The following ZFYVE9 variants were observed in gnomAD, a reference collection of about 807,000 sequenced individuals.
ZFYVE9 encodes the protein zinc finger FYVE-type containing 9.
In ZFYVE9, 43 loss-of-function variants were observed where a neutral mutation model predicts 126.7. That is an observed-to-expected ratio of 0.34 (90% CI 0.27 to 0.44). The LOEUF (loss-of-function observed/expected upper bound fraction) is 0.44. ZFYVE9 is among the 20% of genes least tolerant of loss of function. ZFYVE9 has a pLI of 1.00. For missense variants in ZFYVE9, 1,476 were observed against 1,697.0 expected, an observed-to-expected ratio of 0.87 and a Z score of 2.29; for synonymous variants, 521 against 597.4, an observed-to-expected ratio of 0.87 and a Z score of 1.87.
rs1260972385 is a variant in ZFYVE9 at position 52,157,431 on chromosome 1, C to T, written c.-143+15028C>T. On this transcript the variant is annotated intron_variant, in intron 1 of 18. Coordinates refer to ENST00000287727, the MANE Select transcript of ZFYVE9 (RefSeq NM_004799.4). ...TTTTTTTTTTTTTGAGATGGAGTCTCACTCTGTTGCCCAGGCTGTAGTGCA... is the reference window on the plus strand; with the variant it reads ...TTTTTTTTTTTTTGAGATGGAGTCTTACTCTGTTGCCCAGGCTGTAGTGCA... Among the ~76,000 whole-genome samples, 24 of 99,358 alleles carry T rather than the reference C, an allele frequency of 2.4e-4. No homozygotes were observed. The Admixed American group carries it at 3.0e-3, about 12-fold the overall frequency. 65.2% of individuals were successfully genotyped at this position (99,358 alleles called of 152,430 possible).
At chr1:52,168,487 G>T (rs900447970) in intron 1 of ZFYVE9, among the ~76,000 whole-genome samples, 3 of 150,918 alleles carry the variant, frequency 2.0e-5, no homozygotes, top group Non-Finnish European at 4.4e-5. Flanking sequence ...AAAGTGCTAG[G>T]ATTACAGGCG....
At chr1:52,223,578 C>A (rs1645143825) in intron 2 of ZFYVE9, among the ~76,000 whole-genome samples, 1 of 152,140 alleles carries the variant, frequency 6.6e-6, no homozygotes, top group Admixed American at 6.5e-5. Flanking sequence ...GGAGCTTTAA[C>A]ATTCCTTGTC....
At chr1:52,228,193 C>T (rs529519461) in intron 2 of ZFYVE9, among the ~76,000 whole-genome samples, 73 of 152,244 alleles carry the variant, frequency 4.8e-4, no homozygotes, top group African/African-American at 1.5e-3. Flanking sequence ...ATCTTCCTGC[C>T]TCAGCCTCAT....
chr1:52,313,943 AAAATT>A (rs1459558084), intron 13 of ZFYVE9, among the ~76,000 whole-genome samples: 1 of 152,224 alleles, frequency 6.6e-6, no homozygotes, highest in Non-Finnish European at 1.5e-5. Context: ...AAAAGGCTGA[AAAATT>A]AAATAAACAG....
At chr1:52,271,675 GC>G (rs1405564877) in intron 7 of ZFYVE9, among the ~76,000 whole-genome samples, 2 of 152,174 alleles carry the variant, frequency 1.3e-5, no homozygotes, top group East Asian at 3.9e-4. Flanking sequence ...TCTGTACCAG[GC>G]CTTCAAGTCA....
intron 4 of ZFYVE9, among the ~76,000 whole-genome samples, chr1:52,257,766 C>G (rs1645537008): frequency 6.6e-6 from 1 of 152,156 alleles, no homozygotes; most frequent in Non-Finnish European, 1.5e-5. Context: ...CGGGGTTTCG[C>G]TCTTGTCTCC....
chr1:52,327,462 C>T (rs1269192330), intron 13 of ZFYVE9, among the ~76,000 whole-genome samples: 3 of 151,602 alleles, frequency 2.0e-5, no homozygotes, highest in Admixed American at 1.3e-4. Flanking sequence ...ATTAGTGGGG[C>T]GTGGTGGCGT....
intron 1 of ZFYVE9, among the ~76,000 whole-genome samples, chr1:52,150,746 T>C (rs1164595149): frequency 6.7e-6 from 1 of 149,468 alleles, no homozygotes; most frequent in African/African-American, 2.5e-5. Context: ...CACGCCAGCC[T>C]GGGCAACAGG....
chr1:52,346,288 A>C lies in ZFYVE9; in HGVS notation c.*67A>C. ...CAGCAGTCATACCCAAATCATTTGC[A>C]CTTTAAAACTGGAAGATTAAGCTTT... On this transcript the variant is annotated 3_prime_UTR_variant, in exon 19 of 19. Transcript: ENST00000287727. 7.0e-7 allele frequency: 1 copy of C among 1,429,194 alleles called. No individual in the cohort carries two copies. The highest frequency in any genetic ancestry group is 2.4e-5 in the East Asian group (1 of 41,578). The allele number at this position is 1,429,194 out of a possible 1,614,324, so 88.5% of individuals were successfully genotyped here.
Position 52,346,273 on chromosome 1 carries a change from A to C in ZFYVE9, c.*52A>C. 2 of 1,452,544 alleles carry C rather than the reference A, an allele frequency of 1.4e-6. No homozygotes were observed. Among genetic ancestry groups the C allele is most frequent in the Non-Finnish European group, 1.8e-6 (2 of 1,088,812 alleles). 90.0% of individuals were successfully genotyped at this position (1,452,544 alleles called of 1,614,324 possible). On this transcript the variant is annotated 3_prime_UTR_variant, in exon 19 of 19. Coordinates refer to ENST00000287727, the MANE Select transcript of ZFYVE9 (RefSeq NM_004799.4). ...TCAGACTTGTTGCAACAGCAGTCATACCCAAATCATTTGCACTTTAAAACT... is the reference window on the plus strand; with the variant it reads ...TCAGACTTGTTGCAACAGCAGTCATCCCCAAATCATTTGCACTTTAAAACT...
At chr1:52,162,275 T>C in intron 1 of ZFYVE9, 1 of 344,596 alleles carries the variant, frequency 2.9e-6, no homozygotes, top group Non-Finnish European at 5.9e-6. Context: ...CCGGTAATCA[T>C]AGTCTTCATA....
intron 1 of ZFYVE9, among the ~76,000 whole-genome samples, chr1:52,185,659 C>A (rs930427931): frequency 6.6e-6 from 1 of 152,186 alleles, no homozygotes; most frequent in Non-Finnish European, 1.5e-5. Flanking sequence ...CACGGTGGCT[C>A]ACGCCTGTAA....
chr1:52,237,796 A>G lies in ZFYVE9; in HGVS notation c.379A>G (p.Ser127Gly), dbSNP rs376521422. 7 of 1,614,134 alleles carry G rather than the reference A, an allele frequency of 4.3e-6. No individual in the cohort carries two copies. Among genetic ancestry groups the G allele is most frequent in the Non-Finnish European group, 5.9e-6 (7 of 1,179,982 alleles). ...KRNYSWDDQC[S>G]AVEVGEKKCG... ...AAACTATAGTTGGGATGATCAATGCAGTGCTGTTGAAGTGGGAGAGAAGAA... is the reference window on the plus strand; with the variant it reads ...AAACTATAGTTGGGATGATCAATGCGGTGCTGTTGAAGTGGGAGAGAAGAA... The change falls in exon 4 of 19, where the codon AGT becomes GGT. Residue 127 changes from serine (S) to glycine (G), a missense_variant. By Grantham distance (56) the Ser-to-Gly change is moderately conservative. This residue lies in a region of ZFYVE9 where 807 missense variants were observed against 794.6 expected (regional missense o/e 1.02). Coordinates refer to ENST00000287727, the MANE Select transcript of ZFYVE9 (RefSeq NM_004799.4).
rs534269452 is a variant in ZFYVE9, at chr1:52,142,929, G to A, written c.-143+526G>A. ...TGCTACTCCTGGAGTGTCATTCATG[G>A]ATCTGGCTTGCTCGAGAACAACCTT... On this transcript the variant is annotated intron_variant, in intron 1 of 18. Coordinates refer to ENST00000287727, the MANE Select transcript of ZFYVE9 (RefSeq NM_004799.4). The surrounding 1 kb of genome is among the most constrained non-coding windows in gnomAD (Gnocchi z 4.5). Among the ~76,000 whole-genome samples, 11 of 152,284 alleles carry A rather than the reference G, an allele frequency of 7.2e-5. No individual in the cohort carries two copies. The South Asian group carries it at 1.9e-3, about 26-fold the overall frequency.
intron 1 of ZFYVE9, among the ~76,000 whole-genome samples, chr1:52,170,217 G>C (rs1034953033): frequency 5.3e-5 from 8 of 152,066 alleles, no homozygotes; most frequent in African/African-American, 1.9e-4. Flanking sequence ...TTATTCATTT[G>C]ACGATACTTA....
At chr1:52,145,126 C>T (rs565836725) in intron 1 of ZFYVE9, among the ~76,000 whole-genome samples, 68 of 152,250 alleles carry the variant, frequency 4.5e-4, no homozygotes, top group African/African-American at 1.3e-3. Flanking sequence ...CTCATCTTGC[C>T]GTTTAAGGAC....
chr1:52,311,901 C>T (rs1266078302), intron 13 of ZFYVE9, among the ~76,000 whole-genome samples: 1 of 152,036 alleles, frequency 6.6e-6, no homozygotes, highest in Non-Finnish European at 1.5e-5. Flanking sequence ...AGCAGTTCTC[C>T]TGCCTCAGCC....
intron 8 of ZFYVE9, among the ~76,000 whole-genome samples, chr1:52,275,071 A>C (rs1055576673): frequency 1.3e-5 from 2 of 152,186 alleles, no homozygotes; most frequent in African/African-American, 4.8e-5. Context: ...AGAATGCTTA[A>C]TATTATGTGA....
In ZFYVE9 at chr1:52,175,122, T is replaced by G. The variant is rs1644612134; in HGVS notation, c.-143+32719T>G. Among the ~76,000 whole-genome samples, 7 of 152,182 alleles carry G rather than the reference T, an allele frequency of 4.6e-5. No homozygotes were observed. In the South Asian group the frequency reaches 1.4e-3, roughly 32 times the overall value. On this transcript the variant is annotated intron_variant, in intron 1 of 18. Coordinates refer to ENST00000287727, the MANE Select transcript of ZFYVE9 (RefSeq NM_004799.4). The stretch of plus-strand genomic sequence containing the variant: ...TCTTGATGGTCTTTACATTTTGGCA[T>G]GATTTTGCAGCGGCTGGTACTGGTT...
Sources: allele counts gnomAD v4.1 joint callset (sites outside exome capture counted in the v4.1 genomes callset), GRCh38; gene constraint gnomAD v4.1.1; regional missense constraint gnomAD v4.1.1; non-coding constraint Gnocchi (gnomAD v3.1); transcripts MANE v1.5; gene names NCBI Gene and HGNC (gene_info 2026-07-23, HGNC 2026-07-21).